The following PLCB4 variants were observed in gnomAD, a reference collection of about 807,000 sequenced individuals.
PLCB4 encodes the protein phospholipase C beta 4.
PLCB4 carries 77 observed loss-of-function variants against 178.8 expected under a neutral mutation model. That is an observed-to-expected ratio of 0.43 (90% CI 0.36 to 0.52). PLCB4 has a LOEUF of 0.52. Among genes scored for constraint, PLCB4 ranks in the 20% least tolerant of loss-of-function variants. PLCB4 has a pLI of 0.00. For synonymous variants in PLCB4, 496 were observed against 490.8 expected (o/e 1.01, Z -0.14); for missense variants, 1,024 against 1,453.4 (o/e 0.70, Z 4.80).
chr20:9,459,340 T>C (rs1321776585), intron 34 of PLCB4, among the ~76,000 whole-genome samples: 1 of 150,720 alleles, frequency 6.6e-6, no homozygotes, highest in Non-Finnish European at 1.5e-5. Context: ...GCAGACTCTA[T>C]CTAAAAAAAC....
intron 29 of PLCB4, among the ~76,000 whole-genome samples, chr20:9,436,763 C>A (rs956885768): frequency 7.2e-5 from 11 of 152,200 alleles, no homozygotes; most frequent in African/African-American, 2.7e-4. Context: ...GTTCTCTTTA[C>A]CAGACTCCTC....
intron 2 of PLCB4, among the ~76,000 whole-genome samples, chr20:9,103,452 T>G (rs2091254716): frequency 6.6e-6 from 1 of 152,202 alleles, no homozygotes; most frequent in African/African-American, 2.4e-5. Context: ...TTAATATTTT[T>G]GCAAATCTCT....
chr20:9,144,028 A>G (rs2146887271), intron 2 of PLCB4, among the ~76,000 whole-genome samples: 1 of 152,274 alleles, frequency 6.6e-6, no homozygotes, highest in East Asian at 1.9e-4. Flanking sequence ...TTTATTTGGG[A>G]GCATTTCCTT....
intron 33 of PLCB4, among the ~76,000 whole-genome samples, chr20:9,455,553 AC>A (rs1394215687): frequency 6.6e-6 from 1 of 152,034 alleles, no homozygotes; most frequent in Non-Finnish European, 1.5e-5. Context: ...GTGACACTTA[AC>A]CCCCCAAACA....
intron 34 of PLCB4, among the ~76,000 whole-genome samples, 169 bp from the exon 35 acceptor site, chr20:9,459,466 C>T (rs1264122088): frequency 6.6e-6 from 1 of 152,204 alleles, no homozygotes; most frequent in East Asian, 1.9e-4. Context: ...GCAATAACTT[C>T]CTGCTTCCCA....
chr20:9,149,955 C>T (rs568081955), intron 2 of PLCB4, among the ~76,000 whole-genome samples: 12 of 152,210 alleles, frequency 7.9e-5, no homozygotes, highest in Admixed American at 2.6e-4. Flanking sequence ...GCAGGTTGGG[C>T]GCTTATTCAC....
intron 2 of PLCB4, among the ~76,000 whole-genome samples, chr20:9,188,466 G>C (rs2093357115): frequency 6.6e-6 from 1 of 152,224 alleles, no homozygotes; most frequent in Non-Finnish European, 1.5e-5. Context: ...TTTCTTTTCA[G>C]CCTCGACACT....
chr20:9,389,731 T>C, intron 15 of PLCB4, 148 bp from the exon 16 acceptor site: 2 of 575,344 alleles, frequency 3.5e-6, no homozygotes, highest in East Asian at 2.8e-5. Flanking sequence ...GAACTCAACC[T>C]TTAGAGGTGT....
intron 3 of PLCB4, among the ~76,000 whole-genome samples, chr20:9,240,248 A>G (rs2094043839): frequency 6.6e-6 from 1 of 152,148 alleles, no homozygotes. Context: ...TGAGGGTCTT[A>G]TGACCTACTT....
chr20:9,369,601 A>G (rs1026235843), intron 9 of PLCB4, among the ~76,000 whole-genome samples: 1 of 152,324 alleles, frequency 6.6e-6, no homozygotes, highest in Non-Finnish European at 1.5e-5. Context: ...TTTGAATACA[A>G]CTGTCTCAAG....
chr20:9,375,089 A>G (rs1168117490), intron 12 of PLCB4, among the ~76,000 whole-genome samples: 1 of 152,122 alleles, frequency 6.6e-6, no homozygotes, highest in Admixed American at 6.6e-5. Context: ...TTTTAATCCA[A>G]GTGTCTGCCC....
In PLCB4 at chr20:9,443,918, A is replaced by G. The variant is rs2042252846; in HGVS notation, c.2765-63A>G. 8 of 909,450 alleles carry G rather than the reference A, an allele frequency of 8.8e-6. No individual in the cohort carries two copies. The South Asian group carries it at 1.2e-4, about 13-fold the overall frequency. 56.3% of individuals were successfully genotyped at this position (909,450 alleles called of 1,614,324 possible). ...TGAGATTTCGATATGTCAGTTCTAT[A>G]TTACCAGTTATTCTCTCTGATTTTT... On this transcript the variant is annotated intron_variant, in intron 30 of 39. Coordinates refer to ENST00000378473, the MANE Select transcript of PLCB4 (RefSeq NM_001377142.1).
chr20:9,144,440 A>G (rs753052724), intron 2 of PLCB4, among the ~76,000 whole-genome samples: 4 of 151,816 alleles, frequency 2.6e-5, no homozygotes, highest in African/African-American at 4.8e-5. Context: ...GGTTAAAACA[A>G]TCCATAGAAA....
chr20:9,194,558 GGCCA>G (rs2093445281), intron 2 of PLCB4, among the ~76,000 whole-genome samples: 4 of 151,502 alleles, frequency 2.6e-5, no homozygotes, highest in African/African-American at 7.3e-5. Flanking sequence ...CGTGGTGGCA[GGCCA>G]GGCGCCTGTA....
At chr20:9,449,091 T>C (rs186442007) in intron 32 of PLCB4, among the ~76,000 whole-genome samples, 35 of 152,302 alleles carry the variant, frequency 2.3e-4, no homozygotes, top group Admixed American at 2.3e-3. Context: ...TCATACTTTC[T>C]AGAACCACTT....
chr20:9,140,650 A>G (rs551281010), intron 2 of PLCB4, among the ~76,000 whole-genome samples: 2 of 151,234 alleles, frequency 1.3e-5, no homozygotes, highest in Non-Finnish European at 2.9e-5. Flanking sequence ...TTCACGTGAG[A>G]GCTGGTGGTT....
intron 3 of PLCB4, among the ~76,000 whole-genome samples, chr20:9,233,373 A>G (rs2093955536): frequency 6.6e-6 from 1 of 152,136 alleles, no homozygotes; most frequent in Non-Finnish European, 1.5e-5. Context: ...GAAGAGAGCA[A>G]TGTACAAAGA....
chr20:9,343,910 C>T (rs1453778297), intron 7 of PLCB4, among the ~76,000 whole-genome samples: 2 of 152,218 alleles, frequency 1.3e-5, no homozygotes, highest in African/African-American at 4.8e-5. Context: ...AGCTGCTCCT[C>T]ACCAACGTCA....
chr20:9,141,796 T>C (rs1436324835), intron 2 of PLCB4, among the ~76,000 whole-genome samples: 2 of 151,990 alleles, frequency 1.3e-5, no homozygotes, highest in Non-Finnish European at 1.5e-5. Context: ...GTCAGGAGTG[T>C]TTTTATAGAA....
Sources: gnomAD v4.1 joint callset for allele counts (sites outside exome capture counted in the v4.1 genomes callset) on GRCh38, gnomAD v4.1.1 for gene constraint, MANE v1.5 for transcripts, NCBI Gene and HGNC (gene_info 2026-07-23, HGNC 2026-07-21) for gene names.